The following ITGA9 variants were observed in gnomAD, a reference collection of about 807,000 sequenced individuals.
ITGA9 encodes integrin alpha-9.
In ITGA9, 56 loss-of-function variants were observed where a neutral mutation model predicts 127.8. The ratio of observed to expected loss-of-function variants is 0.44; its 90% CI spans 0.35 to 0.55. The LOEUF (loss-of-function observed/expected upper bound fraction) is 0.55, where lower values mean the gene tolerates loss of function less well. Ranked by LOEUF, ITGA9 falls within the 20% of genes least tolerant of loss-of-function variation. ITGA9 has a pLI of 0.00. For missense variants in ITGA9, 1,196 were observed against 1,347.1 expected (o/e 0.89, Z 1.76); for synonymous variants, 508 against 514.5 (o/e 0.99, Z 0.17).
intron 13 of ITGA9, among the ~76,000 whole-genome samples, chr3:37,530,086 A>G (rs1398051486): frequency 6.6e-6 from 1 of 152,196 alleles, no homozygotes; most frequent in East Asian, 1.9e-4. Context: ...GGCTTCAAAG[A>G]CAGGCTGGAG....
chr3:37,454,116 C>T (rs1014457978), intron 1 of ITGA9, among the ~76,000 whole-genome samples: 8 of 152,168 alleles, frequency 5.3e-5, no homozygotes, highest in Admixed American at 4.6e-4. Flanking sequence ...CTGTGGACAG[C>T]GGGCTGCTGA....
At chr3:37,506,112 TG>T (rs772892989) in intron 7 of ITGA9, 27 bp downstream of exon 7, 28 of 1,526,120 alleles carry the variant, frequency 1.8e-5, no homozygotes, top group Non-Finnish European at 2.4e-5. Flanking sequence ...GTGGAATAGC[TG>T]GGGTCAGACA....
chr3:37,480,135 T>C (rs74458230), intron 3 of ITGA9, among the ~76,000 whole-genome samples: 2,610 of 151,952 alleles, frequency 0.017, 68 homozygotes, highest in African/African-American at 0.058. Flanking sequence ...AGTAAGCAGC[T>C]CGGCTCTTCA....
intron 23 of ITGA9, among the ~76,000 whole-genome samples, chr3:37,765,531 T>G (rs1006246735): frequency 6.6e-6 from 1 of 152,158 alleles, no homozygotes; most frequent in Non-Finnish European, 1.5e-5. Flanking sequence ...GTTCCTGAAA[T>G]GGGTCAGGAT....
chr3:37,747,716 C>CTTTTTTTTTTTTT (rs56897652), intron 22 of ITGA9, among the ~76,000 whole-genome samples: 21 of 139,990 alleles, frequency 1.5e-4, no homozygotes, highest in African/African-American at 3.0e-4. Flanking sequence ...CCTTTTTTTT[C>CTTTTTTTTTTTTT]TTTTTTTTTT....
chr3:37,722,858 T>C (rs768004100), intron 18 of ITGA9, among the ~76,000 whole-genome samples: 1 of 152,244 alleles, frequency 6.6e-6, no homozygotes, highest in Non-Finnish European at 1.5e-5. Flanking sequence ...CTGGGTTACA[T>C]GGTAACTTAT....
intron 27 of ITGA9, chr3:37,808,527 T>C (rs1697326490): frequency 2.0e-5 from 3 of 152,232 alleles, no homozygotes; most frequent in African/African-American, 2.4e-5. Flanking sequence ...GCTGCCTGAA[T>C]TGCAGGCTGT....
intron 15 of ITGA9, among the ~76,000 whole-genome samples, chr3:37,554,690 G>C (rs550909276): frequency 8.5e-5 from 13 of 152,118 alleles, no homozygotes; most frequent in South Asian, 8.3e-4. Flanking sequence ...TTTTGAAGGG[G>C]GATCCTACAG....
chr3:37,759,135 T>C (rs1696693610), intron 23 of ITGA9, among the ~76,000 whole-genome samples: 1 of 151,372 alleles, frequency 6.6e-6, no homozygotes, highest in Admixed American at 6.6e-5. Flanking sequence ...ATACATGCAA[T>C]ATATATTTTG....
At chr3:37,510,017 A>G (rs572882523) in intron 8 of ITGA9, among the ~76,000 whole-genome samples, 1 of 143,652 alleles carries the variant, frequency 7.0e-6, no homozygotes, top group South Asian at 2.2e-4. Flanking sequence ...CTAAAGGTAA[A>G]GGATTCCTTT....
chr3:37,621,578 A>G (rs1243538957), intron 15 of ITGA9, among the ~76,000 whole-genome samples: 2 of 152,234 alleles, frequency 1.3e-5, no homozygotes, highest in Non-Finnish European at 2.9e-5. Context: ...CGACACACAC[A>G]CAGACTTTTC....
At chr3:37,615,576 G>T (rs1229239568) in intron 15 of ITGA9, among the ~76,000 whole-genome samples, 1 of 152,210 alleles carries the variant, frequency 6.6e-6, no homozygotes, top group Non-Finnish European at 1.5e-5. Flanking sequence ...GTAGAATTCG[G>T]CTGTGAATCC....
At chr3:37,490,762 A>T (rs1456191220) in intron 4 of ITGA9, among the ~76,000 whole-genome samples, 1 of 152,172 alleles carries the variant, frequency 6.6e-6, no homozygotes, top group Non-Finnish European at 1.5e-5. Context: ...ACAGGGCTTA[A>T]TAAAACCAGC....
At chr3:37,639,850 T>C (rs1020782636) in intron 16 of ITGA9, among the ~76,000 whole-genome samples, 1 of 152,052 alleles carries the variant, frequency 6.6e-6, no homozygotes, top group Non-Finnish European at 1.5e-5. Context: ...GAAACAATCA[T>C]GGGAAGTCCT....
chr3:37,684,600 C>T (rs1344109243), intron 18 of ITGA9, among the ~76,000 whole-genome samples: 3 of 152,172 alleles, frequency 2.0e-5, no homozygotes, highest in Non-Finnish European at 2.9e-5. Context: ...CTCATCCTCC[C>T]GAGTAGCTGG....
chr3:37,593,132 A>G (rs772356400), intron 15 of ITGA9, among the ~76,000 whole-genome samples: 7 of 152,286 alleles, frequency 4.6e-5, no homozygotes, highest in Non-Finnish European at 8.8e-5. Context: ...AGGATTCCCA[A>G]TGGATACCAA....
At chr3:37,585,724 AG>A (rs1173853233) in intron 15 of ITGA9, 1 of 489,850 alleles carries the variant, frequency 2.0e-6, no homozygotes, top group African/African-American at 2.0e-5. Flanking sequence ...TTATTTGCGA[AG>A]GGGTGGTGAA....
chr3:37,624,057 C>A (rs1700153323), intron 15 of ITGA9, among the ~76,000 whole-genome samples: 1 of 151,886 alleles, frequency 6.6e-6, no homozygotes, highest in African/African-American at 2.4e-5. Context: ...GAAGATTTTC[C>A]CTAAACTAAT....
At chr3:37,594,051 G>A (rs986626382) in intron 15 of ITGA9, among the ~76,000 whole-genome samples, 2 of 152,218 alleles carry the variant, frequency 1.3e-5, no homozygotes, top group Non-Finnish European at 2.9e-5. Context: ...CTTTGCCACT[G>A]GGCTCACCCA....
Sources: gnomAD v4.1 joint callset for allele counts (sites outside exome capture counted in the v4.1 genomes callset) on GRCh38, gnomAD v4.1.1 for gene constraint, MANE v1.5 for transcripts, NCBI Gene and HGNC (gene_info 2026-07-23, HGNC 2026-07-21) for gene names.